The following KLRG2 variants were observed in gnomAD, a reference collection of about 807,000 sequenced individuals.
KLRG2 encodes killer cell lectin like receptor G2.
In KLRG2, 39 loss-of-function variants were observed where a neutral mutation model predicts 35.4. That is an observed-to-expected ratio of 1.10 (90% confidence interval 0.85 to 1.44). The LOEUF is 1.44. Among genes scored for constraint, KLRG2 ranks in the 40% most tolerant of loss-of-function variants. The pLI is 0.00. For missense variants in KLRG2, 632 were observed against 570.9 expected (o/e 1.11, Z -1.09); for synonymous variants, 283 against 265.8 (o/e 1.06, Z -0.63).
the KLRG2 span, among the ~76,000 whole-genome samples, chr7:139,430,050 T>C: frequency 5.3e-5 from 8 of 152,164 alleles, no homozygotes; most frequent in Non-Finnish European, 1.2e-4. Context: ...CAAAATAAAA[T>C]ATTCAGATGG....
downstream of KLRG2, among the ~76,000 whole-genome samples, chr7:139,450,006 C>A (rs983264735): frequency 1.3e-5 from 2 of 150,732 alleles, no homozygotes; most frequent in African/African-American, 4.9e-5. Context: ...CGGCCTATAT[C>A]CTTATTCTTT....
the KLRG2 span, among the ~76,000 whole-genome samples, chr7:139,444,434 G>A: frequency 6.6e-6 from 1 of 152,092 alleles, no homozygotes; most frequent in African/African-American, 2.4e-5. Flanking sequence ...CACCCACCTG[G>A]GTCTCCCAAA....
At chr7:139,429,958 G>C in the KLRG2 span, among the ~76,000 whole-genome samples, 3 of 152,050 alleles carry the variant, frequency 2.0e-5, no homozygotes, top group Non-Finnish European at 4.4e-5. Flanking sequence ...CTGGCCGGGC[G>C]GGGGGCTGAC....
chr7:139,451,486 G>A (rs1207137757), downstream of KLRG2, among the ~76,000 whole-genome samples: 5 of 152,164 alleles, frequency 3.3e-5, no homozygotes, highest in East Asian at 5.8e-4. Context: ...GCGACAGAGC[G>A]AGACTCGGCC....
intron 3 of KLRG2, among the ~76,000 whole-genome samples, chr7:139,473,279 TA>T: frequency 6.6e-6 from 1 of 151,930 alleles, no homozygotes; most frequent in South Asian, 2.1e-4. Flanking sequence ...AGACTCTGTC[TA>T]AAATAAAATA....
intron 3 of KLRG2, among the ~76,000 whole-genome samples, chr7:139,472,805 C>T (rs566698622): frequency 3.3e-5 from 5 of 152,078 alleles, no homozygotes; most frequent in Non-Finnish European, 5.9e-5. Context: ...GGCCAATGTA[C>T]GGGAAAAAGG....
chr7:139,435,500 C>G, the KLRG2 span, among the ~76,000 whole-genome samples: 1 of 152,082 alleles, frequency 6.6e-6, no homozygotes, highest in Admixed American at 6.6e-5. Flanking sequence ...AAAAAAAAAT[C>G]ACCAATTTTA....
chr7:139,434,937 A>T, the KLRG2 span, among the ~76,000 whole-genome samples: 1 of 152,196 alleles, frequency 6.6e-6, no homozygotes, highest in Non-Finnish European at 1.5e-5. Context: ...CGTCCTTCAC[A>T]ACAATAAATC....
the KLRG2 span, among the ~76,000 whole-genome samples, chr7:139,436,999 G>A: frequency 1.3e-5 from 2 of 152,200 alleles, no homozygotes; most frequent in Non-Finnish European, 2.9e-5. Flanking sequence ...CGGGTTTGAG[G>A]TGAGGCCGGA....
At chr7:139,432,817 A>G in the KLRG2 span, among the ~76,000 whole-genome samples, 2 of 152,124 alleles carry the variant, frequency 1.3e-5, no homozygotes, top group Non-Finnish European at 2.9e-5. Context: ...TTGTTTGTAT[A>G]TCATTTGTAT....
downstream of KLRG2, among the ~76,000 whole-genome samples, chr7:139,452,284 C>T (rs1796388184): frequency 1.3e-5 from 2 of 151,982 alleles, no homozygotes; most frequent in Non-Finnish European, 2.9e-5. Flanking sequence ...CCTCCATTTC[C>T]CTTTTTGTTA....
chr7:139,473,936 AAAG>A (rs1796804935), intron 3 of KLRG2, among the ~76,000 whole-genome samples: 1 of 152,242 alleles, frequency 6.6e-6, no homozygotes, highest in South Asian at 2.1e-4. Flanking sequence ...CACTGAGAAC[AAAG>A]AAGACACTGA....
At chr7:139,435,818 C>T in the KLRG2 span, among the ~76,000 whole-genome samples, 1 of 152,292 alleles carries the variant, frequency 6.6e-6, no homozygotes, top group African/African-American at 2.4e-5. Context: ...GGTGCCCCGC[C>T]GCTTACCCAC....
Position 139,483,425 on chromosome 7 carries a change from G to C in KLRG2, c.218C>G (p.Pro73Arg). The C allele has an allele frequency of 2.6e-6, 4 of 1,561,504 alleles. No homozygotes were observed. Among genetic ancestry groups the C allele is most frequent in the African/African-American group, 1.4e-5 (1 of 71,320 alleles). Residue 73 changes from proline to arginine, a missense_variant, in exon 1 of 5, where the codon CCT (proline) becomes CGT (arginine). Transcript: ENST00000340940. ...EPSSKKKPPS[P>R]RPGSPRVPPL... The stretch of plus-strand genomic sequence containing the variant: ...CGGCACGCGCGGGGACCCGGGGCGA[G>C]GCGAAGGCGGCTTTTTCTTGCTCGA...
At chr7:139,476,771 A>G (rs1796857368) in intron 3 of KLRG2, among the ~76,000 whole-genome samples, 2 of 152,122 alleles carry the variant, frequency 1.3e-5, no homozygotes, top group Non-Finnish European at 2.9e-5. Flanking sequence ...TGTTTTTGGA[A>G]AGGCACATGC....
the KLRG2 span, among the ~76,000 whole-genome samples, chr7:139,431,326 A>G: frequency 1.3e-5 from 2 of 152,226 alleles, no homozygotes; most frequent in Non-Finnish European, 2.9e-5. Flanking sequence ...GATTGGCAGT[A>G]GTTACATGGG....
chr7:139,453,520 T>C lies in KLRG2; in HGVS notation c.*67A>G, dbSNP rs760860342. On this transcript the variant is annotated 3_prime_UTR_variant, in exon 5 of 5. Coordinates refer to ENST00000340940, the MANE Select transcript of KLRG2 (RefSeq NM_198508.4). ...GTCCAGGAAGAGGCTGCCCAAGCTCTCAACTGGCCTCCCCTGTAGGGGGTG... is the reference window on the plus strand; with the variant it reads ...GTCCAGGAAGAGGCTGCCCAAGCTCCCAACTGGCCTCCCCTGTAGGGGGTG... 6.6e-7 allele frequency: 1 copy of C among 1,526,050 alleles called. No homozygotes were observed. The highest frequency in any genetic ancestry group is 1.2e-5 in the South Asian group (1 of 82,922). The allele number at this position is 1,526,050 out of a possible 1,614,324, so 94.5% of individuals were successfully genotyped here.
At chr7:139,481,858 C>T (rs1404392885) in intron 1 of KLRG2, among the ~76,000 whole-genome samples, 2 of 151,520 alleles carry the variant, frequency 1.3e-5, no homozygotes, top group Admixed American at 6.6e-5. Context: ...ATCCAGGAGG[C>T]GAAGGTTGCA....
At chr7:139,448,942 A>C (rs1796339064), downstream of KLRG2, 1 of 151,788 alleles carries the variant, frequency 6.6e-6, no homozygotes, top group Non-Finnish European at 1.5e-5. Context: ...CCCCGTCTCT[A>C]CTAAAAATAC....
Sources: gnomAD v4.1 joint callset for allele counts (sites outside exome capture counted in the v4.1 genomes callset) on GRCh38, gnomAD v4.1.1 for gene constraint, MANE v1.5 for transcripts, NCBI Gene and HGNC (gene_info 2026-07-23, HGNC 2026-07-21) for gene names.